EBF1: variants seen among roughly 807,000 people sequenced by gnomAD.
EBF1 encodes the protein transcription factor COE1.
EBF1 carries 10 observed loss-of-function variants against 68.4 expected under a neutral mutation model. The ratio of observed to expected loss-of-function variants is 0.15; its 90% CI spans 0.09 to 0.25. The LOEUF (loss-of-function observed/expected upper bound fraction) is 0.25, where lower values mean the gene tolerates loss of function less well. EBF1 is among the 10% of genes least tolerant of loss of function. The probability of loss-of-function intolerance (pLI) is 1.00; values close to 1 mark genes in which losing one functional copy is unlikely to be tolerated. For synonymous variants in EBF1, 298 were observed against 299.8 expected (o/e 0.99, Z 0.06); for missense variants, 509 against 794.4 (o/e 0.64, Z 4.32).
intron 6 of EBF1, among the ~76,000 whole-genome samples, chr5:159,024,899 T>A (rs1210065407): frequency 6.6e-6 from 1 of 152,228 alleles, no homozygotes; most frequent in Non-Finnish European, 1.5e-5. Context: ...AAAACTGAGC[T>A]GGAGCCTGGC....
chr5:159,071,670 A>G (rs1387622364), intron 6 of EBF1, among the ~76,000 whole-genome samples: 1 of 151,910 alleles, frequency 6.6e-6, no homozygotes, highest in Non-Finnish European at 1.5e-5. Context: ...AGTCATATCA[A>G]CCTTCTATAT....
chr5:159,059,453 T>G (rs981741658), intron 6 of EBF1, among the ~76,000 whole-genome samples: 1 of 151,924 alleles, frequency 6.6e-6, no homozygotes, highest in Admixed American at 6.6e-5. Context: ...GCACTCTAAA[T>G]AAAGAAAATG....
intron 5 of EBF1, among the ~76,000 whole-genome samples, chr5:159,079,457 C>T (rs970366902): frequency 5.3e-5 from 8 of 152,162 alleles, no homozygotes; most frequent in South Asian, 2.1e-4. Flanking sequence ...CCACATAATA[C>T]GGGCATCCAG....
At chr5:158,947,968 T>C (rs979070904) in intron 6 of EBF1, among the ~76,000 whole-genome samples, 2 of 152,212 alleles carry the variant, frequency 1.3e-5, no homozygotes. Flanking sequence ...CCTCCAGCAC[T>C]GCAACAGAAA....
chr5:158,817,876 A>G (rs576697934), intron 8 of EBF1, among the ~76,000 whole-genome samples: 3 of 152,308 alleles, frequency 2.0e-5, no homozygotes, highest in South Asian at 4.1e-4. Flanking sequence ...AGTATGAATG[A>G]GCGATTTCAA....
intron 4 of EBF1, among the ~76,000 whole-genome samples, chr5:159,095,093 C>T (rs976583392): frequency 6.6e-6 from 1 of 152,158 alleles, no homozygotes; most frequent in Admixed American, 6.5e-5. Context: ...AATTGTCGCT[C>T]CCTCTTTCAA....
chr5:158,725,000 G>A (rs1365608247), intron 11 of EBF1, among the ~76,000 whole-genome samples: 3 of 152,172 alleles, frequency 2.0e-5, no homozygotes, highest in Admixed American at 6.5e-5. Flanking sequence ...TTATATTTAA[G>A]GATGTTGCTG....
At chr5:158,855,829 A>T (rs528027723) in intron 6 of EBF1, among the ~76,000 whole-genome samples, 1 of 152,290 alleles carries the variant, frequency 6.6e-6, no homozygotes, top group African/African-American at 2.4e-5. Flanking sequence ...ATGAAAACAA[A>T]TCCTGCCCCA....
At chr5:158,726,560 A>G (rs1581361589) in intron 11 of EBF1, among the ~76,000 whole-genome samples, 1 of 152,364 alleles carries the variant, frequency 6.6e-6, no homozygotes, top group Non-Finnish European at 1.5e-5. Flanking sequence ...CATAAAGCAA[A>G]ATACACAAAT....
At chr5:158,883,655 T>C (rs1482803185) in intron 6 of EBF1, among the ~76,000 whole-genome samples, 1 of 152,118 alleles carries the variant, frequency 6.6e-6, no homozygotes, top group Non-Finnish European at 1.5e-5. Context: ...TGAGAGTAGT[T>C]AGCCCCGTTT....
chr5:159,016,275 G>A (rs533142294), intron 6 of EBF1, among the ~76,000 whole-genome samples: 11 of 152,178 alleles, frequency 7.2e-5, no homozygotes, highest in Non-Finnish European at 1.5e-4. Context: ...CAAACACACT[G>A]TGTTCTCTGA....
At chr5:158,972,308 C>A (rs1440054490) in intron 6 of EBF1, among the ~76,000 whole-genome samples, 2 of 152,216 alleles carry the variant, frequency 1.3e-5, no homozygotes, top group Non-Finnish European at 2.9e-5. Flanking sequence ...TACCCACGTA[C>A]TGTCTCGTAT....
rs557949097 is a variant in EBF1 at position 158,813,705 on chromosome 5, C to T, written c.778+9471G>A. On this transcript the variant is annotated intron_variant, in intron 8 of 15. Coordinates refer to ENST00000313708, the MANE Select transcript of EBF1 (RefSeq NM_024007.5). Reference sequence around the variant, plus strand: ...ACCTTAATTGATGAGGAAACAGAGGCCCAGAGAAATCAAAGTACATACTCA... The same window carrying T: ...ACCTTAATTGATGAGGAAACAGAGGTCCAGAGAAATCAAAGTACATACTCA... 5.3e-5 allele frequency among the ~76,000 whole-genome samples: 8 copies of T among 152,278 alleles called. No homozygotes were observed. In the East Asian group the frequency reaches 1.5e-3, roughly 29 times the overall value.
intron 6 of EBF1, among the ~76,000 whole-genome samples, chr5:158,873,378 C>T (rs74432691): frequency 0.053 from 8,016 of 152,196 alleles, 287 homozygotes; most frequent in Non-Finnish European, 0.071. Context: ...TAGAGTGATT[C>T]GCCACATTTT....
chr5:159,025,264 C>T (rs951488578), intron 6 of EBF1, among the ~76,000 whole-genome samples: 1 of 152,142 alleles, frequency 6.6e-6, no homozygotes, highest in Non-Finnish European at 1.5e-5. Context: ...CTCTGCTCTT[C>T]TTATATTTTA....
At chr5:158,839,404 G>A (rs554118116) in intron 7 of EBF1, among the ~76,000 whole-genome samples, 2 of 152,166 alleles carry the variant, frequency 1.3e-5, no homozygotes, top group African/African-American at 4.8e-5. Flanking sequence ...TTTTGGTGGG[G>A]GGTATAGGAT....
chr5:158,754,311 A>C (rs1250840775), intron 10 of EBF1, among the ~76,000 whole-genome samples: 1 of 152,118 alleles, frequency 6.6e-6, no homozygotes, highest in Non-Finnish European at 1.5e-5. Flanking sequence ...GTGAAAGGCC[A>C]TTCTCTACCT....
intron 13 of EBF1, among the ~76,000 whole-genome samples, 155 bp downstream of exon 13, chr5:158,712,815 G>A (rs1048457195): frequency 6.6e-6 from 1 of 152,128 alleles, no homozygotes; most frequent in African/African-American, 2.4e-5. Context: ...ATGATAGCTA[G>A]GACCAATATT....
At chr5:158,822,088 GC>G (rs1459975933) in intron 8 of EBF1, among the ~76,000 whole-genome samples, 1 of 152,126 alleles carries the variant, frequency 6.6e-6, no homozygotes, top group Non-Finnish European at 1.5e-5. Context: ...ATGGAAAAAA[GC>G]AGGCAATCAG....
Sources: allele counts gnomAD v4.1 joint callset (sites outside exome capture counted in the v4.1 genomes callset), GRCh38; gene constraint gnomAD v4.1.1; transcripts MANE v1.5; gene names NCBI Gene and HGNC (gene_info 2026-07-23, HGNC 2026-07-21).